Variants in CDKL4 observed in about 807,000 individuals in gnomAD.
CDKL4 encodes cyclin-dependent kinase-like 4.
In CDKL4, 44 loss-of-function variants were observed where a neutral mutation model predicts 42.0. The ratio of observed to expected loss-of-function variants is 1.05; its 90% CI spans 0.82 to 1.35. The LOEUF is 1.35. Ranked by LOEUF, CDKL4 falls within the 40% of genes most tolerant of loss-of-function variation. The pLI is 0.00. For synonymous variants in CDKL4, 120 were observed against 121.6 expected (o/e 0.99, Z 0.09); for missense variants, 393 against 369.9 (o/e 1.06, Z -0.51).
At chr2:39,242,582 G>T (rs1679716304) in intron 1 of CDKL4, among the ~76,000 whole-genome samples, 1 of 152,082 alleles carries the variant, frequency 6.6e-6, no homozygotes, top group African/African-American at 2.4e-5. Flanking sequence ...AGTCTCAAGG[G>T]TTTGCAAAAT....
chr2:39,219,480 G>GC (rs1327233983), intron 3 of CDKL4, among the ~76,000 whole-genome samples: 1 of 151,946 alleles, frequency 6.6e-6, no homozygotes, highest in Non-Finnish European at 1.5e-5. Flanking sequence ...GAGTGCAATG[G>GC]CATGATCTTG....
downstream of CDKL4, among the ~76,000 whole-genome samples, chr2:39,171,036 C>T (rs1054344931): frequency 1.6e-4 from 24 of 151,902 alleles, 1 homozygote; most frequent in South Asian, 3.3e-3. Flanking sequence ...GTGAGGAGTT[C>T]GAGACCAGCC....
chr2:39,237,420 G>A (rs1679430887), intron 1 of CDKL4, among the ~76,000 whole-genome samples: 1 of 152,154 alleles, frequency 6.6e-6, no homozygotes, highest in Admixed American at 6.5e-5. Context: ...TTAACATCAT[G>A]CTTAATGATG....
At chr2:39,188,530 C>T (rs1399229945) in intron 6 of CDKL4, among the ~76,000 whole-genome samples, 1 of 135,980 alleles carries the variant, frequency 7.4e-6, no homozygotes, top group Non-Finnish European at 1.5e-5. Flanking sequence ...CCACTGCACT[C>T]CAGCCTGGCA....
intron 5 of CDKL4, among the ~76,000 whole-genome samples, chr2:39,192,632 G>A (rs2148307884): frequency 6.6e-6 from 1 of 151,032 alleles, no homozygotes; most frequent in Middle Eastern, 3.4e-3. Context: ...TCTGTGTCCT[G>A]ATTTTTTTCA....
At chr2:39,204,414 T>A (rs1677042577) in intron 5 of CDKL4, 113 bp downstream of exon 5, 1 of 702,086 alleles carries the variant, frequency 1.4e-6, no homozygotes, top group Admixed American at 2.7e-5. Flanking sequence ...TTTTCCTTTT[T>A]GAATAACAAC....
chr2:39,197,166 T>C (rs1244647463), intron 5 of CDKL4, among the ~76,000 whole-genome samples: 1 of 151,966 alleles, frequency 6.6e-6, no homozygotes, highest in Non-Finnish European at 1.5e-5. Context: ...AAGGACACAC[T>C]TAGAGAAATG....
chr2:39,204,261 G>C (rs1677031011), intron 5 of CDKL4, among the ~76,000 whole-genome samples: 1 of 152,160 alleles, frequency 6.6e-6, no homozygotes, highest in Non-Finnish European at 1.5e-5. Flanking sequence ...TAGATTATAA[G>C]TGCATGAAGA....
intron 4 of CDKL4, among the ~76,000 whole-genome samples, chr2:39,204,867 C>CTT (rs879528689): frequency 7.0e-6 from 1 of 142,960 alleles, no homozygotes; most frequent in Non-Finnish European, 1.5e-5. Flanking sequence ...TAAAAACTGT[C>CTT]TTTTTTTTTT....
At chr2:39,215,866 T>C (rs533931256) in intron 3 of CDKL4, among the ~76,000 whole-genome samples, 1 of 152,332 alleles carries the variant, frequency 6.6e-6, no homozygotes, top group East Asian at 1.9e-4. Flanking sequence ...ATTATTAATA[T>C]TGCAAATGTA....
chr2:39,193,784 G>C (rs2148311125), intron 5 of CDKL4, among the ~76,000 whole-genome samples: 3 of 152,326 alleles, frequency 2.0e-5, no homozygotes, highest in Middle Eastern at 6.8e-3. Context: ...GAGAAACCAA[G>C]TGAACCTTTT....
intron 9 of CDKL4, among the ~76,000 whole-genome samples, chr2:39,177,597 G>T (rs564403304): frequency 6.6e-6 from 1 of 151,834 alleles, no homozygotes; most frequent in African/African-American, 2.4e-5. Flanking sequence ...TAGAGATGGG[G>T]TTTTGCCATG....
intron 5 of CDKL4, among the ~76,000 whole-genome samples, chr2:39,195,351 C>G (rs1572964358): frequency 6.6e-6 from 1 of 152,230 alleles, no homozygotes; most frequent in South Asian, 2.1e-4. Context: ...TACAGTGATT[C>G]TATGTTTAAT....
intron 4 of CDKL4, among the ~76,000 whole-genome samples, chr2:39,205,461 G>C (rs1677103710): frequency 6.6e-6 from 1 of 151,974 alleles, no homozygotes; most frequent in Non-Finnish European, 1.5e-5. Context: ...AGACTTCCAA[G>C]TGTGAAAGAG....
chr2:39,205,898 A>G (rs1677149397), intron 4 of CDKL4, among the ~76,000 whole-genome samples: 2 of 152,110 alleles, frequency 1.3e-5, no homozygotes, highest in Admixed American at 6.5e-5. Context: ...ATTCCGAAGC[A>G]TTCCGCGCCA....
At chr2:39,217,433 AATCAGAAGTCATT>A (rs1381522831) in intron 3 of CDKL4, among the ~76,000 whole-genome samples, 5 of 152,200 alleles carry the variant, frequency 3.3e-5, no homozygotes, top group Admixed American at 2.0e-4. Flanking sequence ...CTGATGCTGA[AATCAGAAGTCATT>A]ACCTGGAAGT....
intron 5 of CDKL4, among the ~76,000 whole-genome samples, chr2:39,196,669 G>A (rs1284202952): frequency 2.0e-5 from 3 of 152,092 alleles, no homozygotes; most frequent in Non-Finnish European, 4.4e-5. Context: ...GTGCAGTGGT[G>A]TGATCTTGGC....
At chr2:39,213,182 G>C (rs1677689579) in intron 4 of CDKL4, among the ~76,000 whole-genome samples, 1 of 151,572 alleles carries the variant, frequency 6.6e-6, no homozygotes, top group South Asian at 2.1e-4. Context: ...ACAGGGTCTT[G>C]CTATGTTGCC....
intron 8 of CDKL4, among the ~76,000 whole-genome samples, chr2:39,183,079 A>G (rs1675534703): frequency 6.6e-6 from 1 of 152,198 alleles, no homozygotes; most frequent in Admixed American, 6.5e-5. Context: ...CAGGAGATGG[A>G]GACCATCCTG....
Sources: allele counts gnomAD v4.1 joint callset (sites outside exome capture counted in the v4.1 genomes callset), GRCh38; gene constraint gnomAD v4.1.1; transcripts MANE v1.5; gene names NCBI Gene and HGNC (gene_info 2026-07-23, HGNC 2026-07-21).